ITGA8: variants seen among roughly 807,000 people sequenced by gnomAD.
The protein encoded by ITGA8 is integrin alpha-8.
ITGA8 carries 91 observed loss-of-function variants against 142.3 expected under a neutral mutation model. The observed-to-expected ratio is 0.64, with a 90% CI of 0.54 to 0.76. The LOEUF (loss-of-function observed/expected upper bound fraction) is 0.76. ITGA8 is among the 30% of genes least tolerant of loss of function. ITGA8 has a pLI of 0.00. For missense variants in ITGA8, 1,406 were observed against 1,327.7 expected, an observed-to-expected ratio of 1.06 and a Z score of -0.92; for synonymous variants, 505 against 485.2, an observed-to-expected ratio of 1.04 and a Z score of -0.54.
chr10:15,625,347 C>T (rs1460226481), intron 13 of ITGA8, among the ~76,000 whole-genome samples: 1 of 152,206 alleles, frequency 6.6e-6, no homozygotes, highest in Non-Finnish European at 1.5e-5. Flanking sequence ...ATCCTTCCAC[C>T]TTCAACTGTT....
At position 15,514,067 on chromosome 10, in the gene ITGA8, A is replaced by C. The variant is rs1327595307; in HGVS notation, c.*3091T>G. 1.3e-5 allele frequency: 2 copies of C among 152,216 alleles called. No individual in the cohort carries two copies. The highest frequency in any genetic ancestry group is 2.9e-5 in the Non-Finnish European group (2 of 68,040). 9.4% of individuals were successfully genotyped at this position (152,216 alleles called of 1,614,324 possible). A position where few individuals can be genotyped will look rare whatever the true frequency, so the allele number is the denominator to read the frequency against. On this transcript the variant is annotated 3_prime_UTR_variant, in exon 30 of 30. Coordinates refer to ENST00000378076, the MANE Select transcript of ITGA8 (RefSeq NM_003638.3). ...AGTCGAGTTCTAAGAATGCAGTTTCAGGGGTGACTAGTACATATTATTTTT... is the reference window on the plus strand; with the variant it reads ...AGTCGAGTTCTAAGAATGCAGTTTCCGGGGTGACTAGTACATATTATTTTT...
intron 6 of ITGA8, among the ~76,000 whole-genome samples, chr10:15,673,019 C>A (rs779765225): frequency 6.6e-6 from 1 of 152,138 alleles, no homozygotes; most frequent in African/African-American, 2.4e-5. Context: ...ATAAAAGTAT[C>A]CAAGAGTGGA....
Position 15,607,781 on chromosome 10 carries a change from T to TA in ITGA8, c.1659dup (p.Lys554Ter), listed in dbSNP as rs1564371998. ...TGGTTATCAAGGAAGAGCGTCCGTT[T>TA]AATAGCTCCTTTCTGTTTCAGGGAA... is the stretch of plus-strand genomic sequence containing the variant. On this transcript the variant is annotated frameshift_variant, in exon 17 of 30. Transcript: ENST00000378076. LOFTEE classifies it high-confidence loss of function. 1 of 1,611,500 alleles carries TA rather than the reference T, an allele frequency of 6.2e-7. No individual in the cohort carries two copies.
At chr10:15,650,541 G>C (rs1834066298) in intron 11 of ITGA8, among the ~76,000 whole-genome samples, 1 of 152,080 alleles carries the variant, frequency 6.6e-6, no homozygotes, top group African/African-American at 2.4e-5. Context: ...CTTTGCAGAG[G>C]GTCCCCACCA....
intron 23 of ITGA8, among the ~76,000 whole-genome samples, chr10:15,576,049 A>T (rs943808487): frequency 1.3e-5 from 2 of 152,120 alleles, no homozygotes; most frequent in Non-Finnish European, 2.9e-5. Flanking sequence ...GATAAAAAAA[A>T]GTCTAGGATG....
At chr10:15,607,578 G>T in intron 17 of ITGA8, 99 bp downstream of exon 17, 1 of 1,097,152 alleles carries the variant, frequency 9.1e-7, no homozygotes, top group South Asian at 1.4e-5. Flanking sequence ...ACAGACAGAT[G>T]GGGGTCTATG....
chr10:15,695,067 T>C (rs1835025746), intron 2 of ITGA8, among the ~76,000 whole-genome samples: 1 of 152,164 alleles, frequency 6.6e-6, no homozygotes, highest in Non-Finnish European at 1.5e-5. Flanking sequence ...TAAAGTTATG[T>C]AATTCTGCCT....
intron 13 of ITGA8, among the ~76,000 whole-genome samples, chr10:15,621,306 G>A (rs949519706): frequency 2.0e-5 from 3 of 151,044 alleles, no homozygotes; most frequent in Non-Finnish European, 4.4e-5. Flanking sequence ...TTTTCTTTTT[G>A]GCTTTTGATG....
chr10:15,655,295 C>T lies in ITGA8; in HGVS notation c.1001+59G>A, dbSNP rs1834162574. On this transcript the variant is annotated intron_variant, in intron 11 of 29. Coordinates refer to ENST00000378076, the MANE Select transcript of ITGA8 (RefSeq NM_003638.3). ...AAGGGTGTATTTTGTGAAGGAAAAA[C>T]ATAACATCTTTATGGATGAATGTAA... 2.6e-6 allele frequency: 3 copies of T among 1,136,894 alleles called. No individual in the cohort carries two copies. In the East Asian group the frequency reaches 7.6e-5, roughly 29 times the overall value. The allele number at this position is 1,136,894 out of a possible 1,614,324, so 70.4% of individuals were successfully genotyped here.
At chr10:15,552,209 G>A (rs1230264315) in intron 26 of ITGA8, among the ~76,000 whole-genome samples, 1 of 151,644 alleles carries the variant, frequency 6.6e-6, no homozygotes, top group Non-Finnish European at 1.5e-5. Flanking sequence ...CCATCTCAGC[G>A]CACTACAAGC....
At chr10:15,595,820 C>T (rs1413498574) in intron 21 of ITGA8, among the ~76,000 whole-genome samples, 13 of 152,184 alleles carry the variant, frequency 8.5e-5, no homozygotes, top group Non-Finnish European at 1.6e-4. Context: ...AATTCCAGCA[C>T]TTTCGGAGGC....
rs374684527 is a variant in ITGA8 at position 15,657,024 on chromosome 10, C to T, written c.949-1618G>A. Reference sequence around the variant, plus strand: ...GGCATGTAACAACTCAATTCTCACACCTCTTTTCTCTGTTCCAAACATAGA... The same window carrying T: ...GGCATGTAACAACTCAATTCTCACATCTCTTTTCTCTGTTCCAAACATAGA... On this transcript the variant is annotated intron_variant, in intron 10 of 29. Coordinates refer to ENST00000378076, the MANE Select transcript of ITGA8 (RefSeq NM_003638.3). Among the ~76,000 whole-genome samples the T allele has an allele frequency of 8.5e-5, 13 of 152,280 alleles. No individual in the cohort carries two copies. In the East Asian group the frequency reaches 2.3e-3, roughly 27 times the overall value.
At position 15,711,300 on chromosome 10, in the gene ITGA8, G is replaced by A. The variant is rs951782181; in HGVS notation, c.343+7466C>T. The stretch of plus-strand genomic sequence containing the variant: ...CAATCGTTCAGCCTTACTTAGGAGC[G>A]GTGGCCTATGCTTCTCAGGGATCTT... On this transcript the variant is annotated intron_variant, in intron 2 of 29. Transcript: ENST00000378076. Among the ~76,000 whole-genome samples the A allele has an allele frequency of 3.3e-5, 5 of 152,198 alleles. No individual in the cohort carries two copies. In the East Asian group the frequency reaches 7.7e-4, roughly 24 times the overall value.
chr10:15,537,977 A>AAAC (rs1227669102), intron 27 of ITGA8, among the ~76,000 whole-genome samples: 56 of 152,188 alleles, frequency 3.7e-4, no homozygotes, highest in Middle Eastern at 3.4e-3. Context: ...AAAACAAAAA[A>AAAC]AAAACACAAA....
chr10:15,560,604 A>T (rs2131570969), intron 25 of ITGA8, among the ~76,000 whole-genome samples: 1 of 152,322 alleles, frequency 6.6e-6, no homozygotes. Context: ...ATAAGTTATG[A>T]TCTATTTATA....
intron 2 of ITGA8, among the ~76,000 whole-genome samples, chr10:15,708,095 A>T (rs1835295094): frequency 6.6e-6 from 1 of 151,992 alleles, no homozygotes; most frequent in Non-Finnish European, 1.5e-5. Context: ...AGGCTTTGTT[A>T]GTGGACGTAC....
chr10:15,641,338 A>T (rs555347597), intron 13 of ITGA8, among the ~76,000 whole-genome samples: 4 of 152,330 alleles, frequency 2.6e-5, no homozygotes, highest in African/African-American at 4.8e-5. Context: ...GCTAAATGGA[A>T]TTCATTTCTA....
intron 6 of ITGA8, among the ~76,000 whole-genome samples, chr10:15,673,340 C>T (rs1834565585): frequency 6.6e-6 from 1 of 152,102 alleles, no homozygotes; most frequent in African/African-American, 2.4e-5. Flanking sequence ...GCCTCGGCCT[C>T]CCAAAGTGCT....
Position 15,524,860 on chromosome 10 carries a change from G to T in ITGA8, c.2983-5448C>A, listed in dbSNP as rs561517813. Among the ~76,000 whole-genome samples the T allele has an allele frequency of 6.6e-5, 10 of 152,260 alleles. No individual in the cohort carries two copies. In the South Asian group the frequency reaches 1.7e-3, roughly 25 times the overall value. On this transcript the variant is annotated intron_variant, in intron 28 of 29. Transcript: ENST00000378076. ...TTCTAATATCTATATTTGTCTTACA[G>T]CTCATTTTGACAAACCTACAGGAAG...
Sources: allele counts gnomAD v4.1 joint callset (sites outside exome capture counted in the v4.1 genomes callset), GRCh38; gene constraint gnomAD v4.1.1; transcripts MANE v1.5; gene names NCBI Gene and HGNC (gene_info 2026-07-23, HGNC 2026-07-21).